SCAF11: variants seen among roughly 807,000 people sequenced by gnomAD.
SCAF11 encodes the protein SR-related CTD associated factor 11, also known as protein SCAF11.
In SCAF11, 47 loss-of-function variants were observed where a neutral mutation model predicts 140.5. The ratio of observed to expected loss-of-function variants is 0.33; its 90% confidence interval spans 0.26 to 0.43. The LOEUF (loss-of-function observed/expected upper bound fraction) is 0.43. Ranked by LOEUF, SCAF11 falls within the 20% of genes least tolerant of loss-of-function variation. The probability of loss-of-function intolerance (pLI) is 1.00; values close to 1 mark genes in which losing one functional copy is unlikely to be tolerated. For synonymous variants in SCAF11, 557 were observed against 579.4 expected (o/e 0.96, Z 0.55); for missense variants, 1,645 against 1,705.1 (o/e 0.96, Z 0.62).
rs546612078 is a variant in SCAF11, at chr12:45,925,874, T to C, written c.3559+268A>G. Among the ~76,000 whole-genome samples, 3 of 152,314 alleles carry C rather than the reference T, an allele frequency of 2.0e-5. No homozygotes were observed. In the South Asian group the frequency reaches 6.2e-4, roughly 32 times the overall value. On this transcript the variant is annotated intron_variant, in intron 11 of 14. Coordinates refer to ENST00000369367, the MANE Select transcript of SCAF11 (RefSeq NM_004719.3). The stretch of plus-strand genomic sequence containing the variant: ...TTAGAGGTTAAATCCTGCATAGGAA[T>C]ATCCCAAACTCTTCTATTGTAGCAA...
At chr12:45,984,821 T>C (rs1411441899) in intron 1 of SCAF11, among the ~76,000 whole-genome samples, 2 of 151,866 alleles carry the variant, frequency 1.3e-5, no homozygotes, top group African/African-American at 4.8e-5. Context: ...CAGCCTCCCA[T>C]GTAGCTGGGA....
At chr12:45,964,470 A>G (rs1945896401) in intron 1 of SCAF11, among the ~76,000 whole-genome samples, 1 of 152,128 alleles carries the variant, frequency 6.6e-6, no homozygotes, top group Admixed American at 6.5e-5. Flanking sequence ...GATCGAGACC[A>G]TCCTGGCTAA....
chr12:45,990,970 C>G (rs193264249), upstream of SCAF11, among the ~76,000 whole-genome samples: 330 of 152,324 alleles, frequency 2.2e-3, no homozygotes, highest in African/African-American at 7.2e-3. Flanking sequence ...CAGGCTGCGT[C>G]GCGGAGGACA....
At chr12:45,937,187 G>A (rs929791740) in intron 6 of SCAF11, among the ~76,000 whole-genome samples, 5 of 151,250 alleles carry the variant, frequency 3.3e-5, no homozygotes, top group Admixed American at 6.6e-5. Flanking sequence ...TTTATTATTC[G>A]ATATTGAATC....
At chr12:45,983,742 A>AACACACACAC (rs55655357) in intron 1 of SCAF11, among the ~76,000 whole-genome samples, 11,680 of 133,800 alleles carry the variant, frequency 0.087, 628 homozygotes, top group Non-Finnish European at 0.12. Context: ...CTAAACCTAA[A>AACACACACAC]ACACACACAC....
At chr12:45,974,360 A>G (rs1946184532) in intron 1 of SCAF11, 1 of 388,414 alleles carries the variant, frequency 2.6e-6, no homozygotes, top group African/African-American at 2.1e-5. Flanking sequence ...ATAACATTCA[A>G]GTATGCCACA....
Position 45,961,471 on chromosome 12 carries a change from TTAAC to T in SCAF11, c.219+225_219+228del, listed in dbSNP as rs1287565384. On this transcript the variant is annotated intron_variant, in intron 3 of 14. Transcript: ENST00000369367. The stretch of plus-strand genomic sequence containing the variant: ...TTGATCTGTTCTTCCTATAAGGTTA[TTAAC>T]TTTTTTTAAAAAAGTATGCATTTAA... 5 of 581,610 alleles carry T rather than the reference TTAAC, an allele frequency of 8.6e-6. No homozygotes were observed. In the African/African-American group the frequency reaches 9.4e-5, roughly 11 times the overall value. 36.0% of individuals were successfully genotyped at this position (581,610 alleles called of 1,614,324 possible).
Position 45,966,520 on chromosome 12 carries a change from A to C in SCAF11, c.-21-2332T>G, listed in dbSNP as rs144921278. On this transcript the variant is annotated intron_variant, in intron 1 of 14. Transcript: ENST00000369367. ...AGAAGTGCTATGGAGAAAAATTAAAAACAGTGTGGCTATTAAGGAATAAAA... is the reference window on the plus strand; with the variant it reads ...AGAAGTGCTATGGAGAAAAATTAAACACAGTGTGGCTATTAAGGAATAAAA... Among the ~76,000 whole-genome samples, 14 of 151,994 alleles carry C rather than the reference A, an allele frequency of 9.2e-5. No homozygotes were observed. The East Asian group carries it at 2.7e-3, about 29-fold the overall frequency.
intron 12 of SCAF11, 131 bp downstream of exon 12, chr12:45,924,597 G>C (rs1407520441): frequency 1.4e-6 from 1 of 717,398 alleles, no homozygotes; most frequent in East Asian, 2.7e-5. Context: ...GGATTATGAA[G>C]GTTTACCATA....
chr12:45,922,366 C>T (rs768564885), intron 14 of SCAF11, 97 bp downstream of exon 14: 50 of 1,516,020 alleles, frequency 3.3e-5, no homozygotes, highest in Non-Finnish European at 4.0e-5. Flanking sequence ...TTAGTAGGAG[C>T]TAGCTTTTAT....
chr12:45,931,071 C>G (rs1375353572), intron 10 of SCAF11: 1 of 152,208 alleles, frequency 6.6e-6, no homozygotes, highest in African/African-American at 2.4e-5. Context: ...CCAACAACCT[C>G]CACCCCACCA....
rs1944867742 is a variant in SCAF11, at chr12:45,926,625, C to G, written c.3076G>C (p.Glu1026Gln). 6.2e-7 allele frequency: 1 copy of G among 1,613,846 alleles called. No homozygotes were observed. Among genetic ancestry groups the G allele is most frequent in the Non-Finnish European group, 8.5e-7 (1 of 1,180,022 alleles). The change falls in exon 11 of 15, where the codon GAA (glutamate) becomes CAA (glutamine). Residue 1026 changes from glutamate (E) to glutamine (Q), a missense_variant. By Grantham distance (29) the Glu-to-Gln change is conservative. Coordinates refer to ENST00000369367, the MANE Select transcript of SCAF11 (RefSeq NM_004719.3). The stretch of plus-strand genomic sequence containing the variant: ...GGATCAGGCCCAGAGTTTATTTTTT[C>G]TGTTATCCAATTGGGACAGTCATTT... The part of the protein sequence containing the change: ...HRNDCPNWIT[E>Q]KINSGPDPRT...
At chr12:45,974,412 C>A in intron 1 of SCAF11, 1 of 330,548 alleles carries the variant, frequency 3.0e-6, no homozygotes, top group Non-Finnish European at 6.1e-6. Flanking sequence ...GTACAAGATG[C>A]TATTTGACAG....
chr12:45,977,858 A>T (rs1215816181), intron 1 of SCAF11, among the ~76,000 whole-genome samples: 1 of 152,136 alleles, frequency 6.6e-6, no homozygotes, highest in Non-Finnish European at 1.5e-5. Flanking sequence ...CTGTACAGAC[A>T]CAGAGATTAA....
At chr12:45,974,504 A>G (rs1946186918) in intron 1 of SCAF11, 1 of 235,348 alleles carries the variant, frequency 4.2e-6, no homozygotes. Context: ...CTAAGTTTAT[A>G]TACTATTTTA....
chr12:45,921,586 A>T lies in SCAF11; in HGVS notation c.*462T>A, dbSNP rs1200197922. ...ATATGTTCTATTTAATATTAGAAAC[A>T]TTTTTCATGGTAATACATTATTTAA... On this transcript the variant is annotated 3_prime_UTR_variant, in exon 15 of 15. Coordinates refer to ENST00000369367, the MANE Select transcript of SCAF11 (RefSeq NM_004719.3). The T allele has an allele frequency of 6.6e-6, 1 of 152,574 alleles. No homozygotes were observed. Among genetic ancestry groups the T allele is most frequent in the Admixed American group, 6.5e-5 (1 of 15,302 alleles). 9.5% of individuals were successfully genotyped at this position (152,574 alleles called of 1,614,324 possible). A position where few individuals can be genotyped will look rare whatever the true frequency, so the allele number is the denominator to read the frequency against.
chr12:45,925,783 CTTATT>C (rs1254214685), intron 11 of SCAF11, among the ~76,000 whole-genome samples: 3 of 152,086 alleles, frequency 2.0e-5, no homozygotes, highest in South Asian at 2.1e-4. Flanking sequence ...AAAACAATGG[CTTATT>C]TTATTTGTAT....
intron 1 of SCAF11, among the ~76,000 whole-genome samples, chr12:45,985,632 G>C (rs1946444573): frequency 6.6e-6 from 1 of 152,140 alleles, no homozygotes; most frequent in Non-Finnish European, 1.5e-5. Flanking sequence ...ACATTGCAAG[G>C]CTACCGAAAA....
chr12:45,937,263 C>T (rs1263220777), intron 6 of SCAF11, among the ~76,000 whole-genome samples: 3 of 152,000 alleles, frequency 2.0e-5, no homozygotes, highest in Admixed American at 2.0e-4. Flanking sequence ...TTATCTTCTA[C>T]TCCTGTTGAA....
Sources: allele counts gnomAD v4.1 joint callset (sites outside exome capture counted in the v4.1 genomes callset), GRCh38; gene constraint gnomAD v4.1.1; transcripts MANE v1.5; gene names NCBI Gene and HGNC (gene_info 2026-07-23, HGNC 2026-07-21).